The following NRXN1 variants were observed in gnomAD, a reference collection of about 807,000 sequenced individuals.
NRXN1 encodes neurexin-1.
In NRXN1, 39 loss-of-function variants were observed where a neutral mutation model predicts 150.9. The observed-to-expected ratio is 0.26, with a 90% CI of 0.20 to 0.34. NRXN1 has a LOEUF of 0.34. Among genes scored for constraint, NRXN1 ranks in the 10% least tolerant of loss-of-function variants. The pLI, the probability that NRXN1 is intolerant of heterozygous loss-of-function variation, is 1.00. For missense variants in NRXN1, 1,815 were observed against 1,949.9 expected (o/e 0.93, Z 1.30); for synonymous variants, 924 against 757.0 (o/e 1.22, Z -3.62).
chr2:50,654,170 T>A (rs1334507535), intron 5 of NRXN1, among the ~76,000 whole-genome samples: 1 of 65,516 alleles, frequency 1.5e-5, no homozygotes, highest in Non-Finnish European at 3.1e-5. Context: ...CCTAATGCTA[T>A]CCCTCCCCCC....
intron 18 of NRXN1, among the ~76,000 whole-genome samples, chr2:50,148,624 T>C (rs1198180744): frequency 6.6e-6 from 1 of 151,678 alleles, no homozygotes; most frequent in Non-Finnish European, 1.5e-5. Context: ...AGTTCCAAGT[T>C]TTGGCATATT....
intron 18 of NRXN1, among the ~76,000 whole-genome samples, chr2:50,160,707 G>A (rs757712016): frequency 6.6e-6 from 1 of 152,070 alleles, no homozygotes; most frequent in African/African-American, 2.4e-5. Flanking sequence ...ATTCTTAGTG[G>A]TGCTTGTCAA....
In NRXN1 at chr2:50,271,659, C is replaced by A. The variant is rs77255905; in HGVS notation, c.3365-34689G>T. On this transcript the variant is annotated intron_variant, in intron 17 of 22. Coordinates refer to ENST00000401669, the MANE Select transcript of NRXN1 (RefSeq NM_001330078.2). ...AACTCAAAGTACATTTATGGGCACA[C>A]AGGAAAATTTTAACAACTGAGAAAC... Among the ~76,000 whole-genome samples the A allele has an allele frequency of 2.0e-5, 3 of 152,090 alleles. No individual in the cohort carries two copies. The East Asian group carries it at 5.8e-4, about 29-fold the overall frequency.
intron 5 of NRXN1, among the ~76,000 whole-genome samples, chr2:50,676,577 T>C (rs1201297410): frequency 6.6e-6 from 1 of 152,266 alleles, no homozygotes; most frequent in East Asian, 1.9e-4. Context: ...GTTATGAAAA[T>C]ATAAAACGAT....
chr2:50,812,165 A>G (rs567221936), intron 5 of NRXN1, among the ~76,000 whole-genome samples: 2 of 152,302 alleles, frequency 1.3e-5, no homozygotes, highest in East Asian at 1.9e-4. Context: ...CATTTAAATT[A>G]CATTGCTTAA....
At chr2:50,605,521 A>T (rs1027721516) in intron 8 of NRXN1, among the ~76,000 whole-genome samples, 14 of 152,208 alleles carry the variant, frequency 9.2e-5, no homozygotes, top group African/African-American at 3.4e-4. Context: ...GCCAACAGGT[A>T]TGTAAAAAGA....
At chr2:50,884,817 GT>G (rs963983971) in intron 5 of NRXN1, among the ~76,000 whole-genome samples, 1 of 145,602 alleles carries the variant, frequency 6.9e-6, no homozygotes, top group Non-Finnish European at 1.6e-5. Flanking sequence ...AGAACATACT[GT>G]TTTTTAAAAA....
chr2:50,936,600 T>A lies in NRXN1; in HGVS notation c.773-10645A>T, dbSNP rs1166044067. On this transcript the variant is annotated intron_variant, in intron 2 of 22. Coordinates refer to ENST00000401669, the MANE Select transcript of NRXN1 (RefSeq NM_001330078.2). Reference sequence around the variant, plus strand: ...TGCAGCTATCTAAAGTAAACTATGCTCAAAATGTGTAATATTGAAAATAAT... The same window carrying A: ...TGCAGCTATCTAAAGTAAACTATGCACAAAATGTGTAATATTGAAAATAAT... Among the ~76,000 whole-genome samples the A allele has an allele frequency of 2.0e-5, 3 of 152,124 alleles. No homozygotes were observed. In the East Asian group the frequency reaches 5.8e-4, roughly 29 times the overall value.
intron 22 of NRXN1, among the ~76,000 whole-genome samples, chr2:49,937,364 T>G (rs1021246259): frequency 1.3e-5 from 2 of 152,194 alleles, no homozygotes; most frequent in African/African-American, 4.8e-5. Flanking sequence ...TGCAATAGCC[T>G]TGACTAAATC....
At chr2:50,171,127 G>A (rs1468352695) in intron 18 of NRXN1, among the ~76,000 whole-genome samples, 1 of 152,044 alleles carries the variant, frequency 6.6e-6, no homozygotes, top group Non-Finnish European at 1.5e-5. Context: ...GGCTGAGGAA[G>A]AGAAGGAAGA....
intron 12 of NRXN1, among the ~76,000 whole-genome samples, chr2:50,517,164 A>AAAACT (rs1252713356): frequency 2.0e-5 from 3 of 152,166 alleles, no homozygotes; most frequent in African/African-American, 7.2e-5. Context: ...TTAATAACTC[A>AAAACT]AAACTACTTT....
rs572239804 is a variant in NRXN1 at position 50,814,245 on chromosome 2, C to T, written c.832+107624G>A. On this transcript the variant is annotated intron_variant, in intron 5 of 22. Transcript: ENST00000401669. ...CTCCTGGCCTCAAGGAATCCTCCTG[C>T]CTTGTCCTCCCAAAGTGCTGGGATT... Among the ~76,000 whole-genome samples the T allele has an allele frequency of 5.3e-5, 8 of 152,194 alleles. No individual in the cohort carries two copies. In the East Asian group the frequency reaches 1.5e-3, roughly 29 times the overall value.
chr2:50,597,442 A>T (rs1045865510), intron 8 of NRXN1, among the ~76,000 whole-genome samples: 1 of 151,994 alleles, frequency 6.6e-6, no homozygotes, highest in Admixed American at 6.5e-5. Flanking sequence ...CTAGTGCCCT[A>T]CCCTGGGATA....
intron 8 of NRXN1, among the ~76,000 whole-genome samples, chr2:50,585,862 G>C (rs1673014917): frequency 6.6e-6 from 1 of 152,118 alleles, no homozygotes; most frequent in Admixed American, 6.5e-5. Context: ...AGCAGTAAGT[G>C]GTAACTTGAG....
intron 5 of NRXN1, among the ~76,000 whole-genome samples, chr2:50,667,829 T>G (rs759802512): frequency 2.6e-5 from 4 of 151,992 alleles, no homozygotes; most frequent in Non-Finnish European, 5.9e-5. Flanking sequence ...GTTCCCAGAG[T>G]TTTGGAGCCA....
rs181541843 is a variant in NRXN1 at position 49,996,285 on chromosome 2, A to T, written c.4129-52494T>A. On this transcript the variant is annotated intron_variant, in intron 21 of 22. Transcript: ENST00000401669. ...CTGGAAGGATGAAAAATCTCAGGAC[A>T]TGTAGAGAAGGTAGAAGAACATTTT... 5.9e-5 allele frequency among the ~76,000 whole-genome samples: 9 copies of T among 152,308 alleles called. No homozygotes were observed. The East Asian group carries it at 1.4e-3, about 23-fold the overall frequency.
At chr2:50,875,529 T>C (rs557017703) in intron 5 of NRXN1, among the ~76,000 whole-genome samples, 1 of 151,954 alleles carries the variant, frequency 6.6e-6, no homozygotes, top group South Asian at 2.1e-4. Flanking sequence ...CCAATGCTTT[T>C]CTTTTTATGG....
intron 5 of NRXN1, among the ~76,000 whole-genome samples, chr2:50,668,513 T>C (rs1297157437): frequency 1.3e-5 from 2 of 152,026 alleles, no homozygotes; most frequent in Non-Finnish European, 2.9e-5. Context: ...TAAGAAGAAA[T>C]ACTGCTCTGT....
intron 2 of NRXN1, among the ~76,000 whole-genome samples, chr2:51,025,163 C>T (rs575744580): frequency 9.3e-4 from 142 of 152,264 alleles, no homozygotes; most frequent in African/African-American, 3.3e-3. Flanking sequence ...TTTCCTTCTA[C>T]GTTTCGTGGT....
Sources: gnomAD v4.1 joint callset for allele counts (sites outside exome capture counted in the v4.1 genomes callset) on GRCh38, gnomAD v4.1.1 for gene constraint, MANE v1.5 for transcripts, NCBI Gene and HGNC (gene_info 2026-07-23, HGNC 2026-07-21) for gene names.